Variants in IFNGR2 observed in about 807,000 individuals in gnomAD.
IFNGR2 encodes the protein interferon gamma receptor 2, also known as IFN-gamma receptor 2.
Under a neutral mutation model 41.1 loss-of-function variants are expected in IFNGR2, and 15 were observed. The observed-to-expected ratio is 0.37, with a 90% CI of 0.24 to 0.56. The LOEUF is 0.56. IFNGR2 is among the 20% of genes least tolerant of loss of function. The pLI, the probability that IFNGR2 is intolerant of heterozygous loss-of-function variation, is 0.81. For missense variants in IFNGR2, 362 were observed against 415.7 expected, an observed-to-expected ratio of 0.87 and a Z score of 1.12; for synonymous variants, 161 against 171.6, an observed-to-expected ratio of 0.94 and a Z score of 0.48.
At chr21:33,405,524 C>T (rs1202962692) in intron 1 of IFNGR2, among the ~76,000 whole-genome samples, 2 of 152,090 alleles carry the variant, frequency 1.3e-5, no homozygotes, top group Non-Finnish European at 2.9e-5. Context: ...GATCAGCAGG[C>T]GAGTGACTTC....
chr21:33,414,942 C>T lies in IFNGR2; in HGVS notation c.128C>T (p.Ala43Val). 6.2e-7 allele frequency: 1 copy of T among 1,614,192 alleles called. No individual in the cohort carries two copies. Among genetic ancestry groups the T allele is most frequent in the Non-Finnish European group, 8.5e-7 (1 of 1,180,016 alleles). Residue 43 changes from alanine (A) to valine (V), a missense_variant, in exon 2 of 7, where the codon GCA (alanine) becomes GTA (valine). Coordinates refer to ENST00000290219, the MANE Select transcript of IFNGR2 (RefSeq NM_005534.4). ...CACCCGAAGATTCGCCTGTACAACG[C>T]AGAGCAGGTCCTGAGTTGGGAGCCA... ...PQHPKIRLYN[A>V]EQVLSWEPVA... is the part of the protein sequence containing the mutation.
At chr21:33,433,813 G>T (rs1043882656) in intron 6 of IFNGR2, among the ~76,000 whole-genome samples, 2 of 151,970 alleles carry the variant, frequency 1.3e-5, no homozygotes. Flanking sequence ...ATGGCATGGG[G>T]TTGGCTAAAA....
chr21:33,417,134 C>A (rs1049153962), intron 2 of IFNGR2, among the ~76,000 whole-genome samples: 1 of 151,826 alleles, frequency 6.6e-6, no homozygotes, highest in African/African-American at 2.4e-5. Context: ...CTCTGCCCCC[C>A]AGGCTGGAGT....
chr21:33,436,697 A>T, intron 6 of IFNGR2, 131 bp from the exon 7 acceptor site: 1 of 687,532 alleles, frequency 1.5e-6, no homozygotes, highest in Non-Finnish European at 2.4e-6. Flanking sequence ...ACTCCAGCCT[A>T]GGCAAGAGTA....
At chr21:33,418,721 A>G (rs547920131) in intron 2 of IFNGR2, among the ~76,000 whole-genome samples, 1 of 152,268 alleles carries the variant, frequency 6.6e-6, no homozygotes, top group East Asian at 1.9e-4. Context: ...GCTGCAGGCT[A>G]TTTGGCTCCC....
At chr21:33,415,887 A>T (rs142134794) in intron 2 of IFNGR2, among the ~76,000 whole-genome samples, 5 of 152,268 alleles carry the variant, frequency 3.3e-5, no homozygotes, top group South Asian at 2.1e-4. Context: ...TTTGAAACAG[A>T]GTTTCCCTCT....
chr21:33,414,501 C>T (rs527989101), intron 1 of IFNGR2, among the ~76,000 whole-genome samples: 1 of 152,206 alleles, frequency 6.6e-6, no homozygotes, highest in African/African-American at 2.4e-5. Flanking sequence ...ATTATTGACC[C>T]CTTATTCCTG....
intron 3 of IFNGR2, among the ~76,000 whole-genome samples, chr21:33,425,996 A>G (rs2083832657): frequency 6.6e-6 from 1 of 152,232 alleles, no homozygotes; most frequent in Non-Finnish European, 1.5e-5. Context: ...GTGCATGCTT[A>G]CTTAATAAAT....
chr21:33,414,518 A>G (rs973759778), intron 1 of IFNGR2, among the ~76,000 whole-genome samples: 1 of 152,228 alleles, frequency 6.6e-6, no homozygotes, highest in Non-Finnish European at 1.5e-5. Flanking sequence ...CCTGAAAAAG[A>G]AAACTCAAGC....
At chr21:33,435,355 C>T (rs2083935222) in intron 6 of IFNGR2, among the ~76,000 whole-genome samples, 1 of 152,100 alleles carries the variant, frequency 6.6e-6, no homozygotes, top group East Asian at 1.9e-4. Context: ...GCCCCCAGTC[C>T]CTCCTTCACT....
At chr21:33,417,075 C>T (rs1371938024) in intron 2 of IFNGR2, among the ~76,000 whole-genome samples, 1 of 151,260 alleles carries the variant, frequency 6.6e-6, no homozygotes, top group African/African-American at 2.4e-5. Context: ...GTGCACCACC[C>T]CACCCGGTTC....
At chr21:33,408,380 G>A (rs1479985855) in intron 1 of IFNGR2, among the ~76,000 whole-genome samples, 1 of 152,058 alleles carries the variant, frequency 6.6e-6, no homozygotes, top group Non-Finnish European at 1.5e-5. Flanking sequence ...ATTTTTAGTA[G>A]AGACAGGGTT....
intron 1 of IFNGR2, among the ~76,000 whole-genome samples, chr21:33,406,626 A>AG (rs2083679337): frequency 6.6e-6 from 1 of 150,638 alleles, no homozygotes; most frequent in Admixed American, 6.6e-5. Flanking sequence ...TTATGGTCAG[A>AG]GAAAAAAAAA....
intron 1 of IFNGR2, among the ~76,000 whole-genome samples, chr21:33,413,404 G>A (rs767755087): frequency 7.9e-5 from 12 of 152,152 alleles, no homozygotes; most frequent in African/African-American, 1.2e-4. Context: ...ACAAATGGCC[G>A]CAGACTTGGC....
At chr21:33,419,269 C>G (rs769562234) in intron 2 of IFNGR2, among the ~76,000 whole-genome samples, 9 of 152,072 alleles carry the variant, frequency 5.9e-5, no homozygotes, top group Admixed American at 5.9e-4. Flanking sequence ...CCATGCCTGG[C>G]TAATTTTTTT....
chr21:33,414,459 G>A (rs528162328), intron 1 of IFNGR2, among the ~76,000 whole-genome samples: 42 of 152,342 alleles, frequency 2.8e-4, no homozygotes, highest in Admixed American at 6.5e-4. Flanking sequence ...TGATCACCAC[G>A]TTAATCTTCG....
intron 4 of IFNGR2, 99 bp from the exon 5 acceptor site, chr21:33,432,078 G>A (rs2083893501): frequency 1.8e-6 from 2 of 1,092,434 alleles, no homozygotes; most frequent in African/African-American, 1.5e-5. Context: ...GTTCTTCTTT[G>A]GTTGTCGTGT....
At chr21:33,404,240 A>G (rs918223072) in intron 1 of IFNGR2, among the ~76,000 whole-genome samples, 19 of 152,218 alleles carry the variant, frequency 1.2e-4, no homozygotes, top group African/African-American at 4.6e-4. Flanking sequence ...GCGGTGGAGC[A>G]GGGACCAGCG....
intron 3 of IFNGR2, among the ~76,000 whole-genome samples, chr21:33,425,210 A>G (rs2083825816): frequency 6.6e-6 from 1 of 152,128 alleles, no homozygotes; most frequent in South Asian, 2.1e-4. Context: ...ATGAGCCACC[A>G]TGCCCATCCC....
Sources: gnomAD v4.1 joint callset for allele counts (sites outside exome capture counted in the v4.1 genomes callset) on GRCh38, gnomAD v4.1.1 for gene constraint, MANE v1.5 for transcripts, NCBI Gene and HGNC (gene_info 2026-07-23, HGNC 2026-07-21) for gene names.